Variants in ZNF609 observed in about 807,000 individuals in gnomAD.
The protein encoded by ZNF609 is zinc finger protein 609.
Under a neutral mutation model 109.5 loss-of-function variants are expected in ZNF609, and 11 were observed. The observed-to-expected ratio is 0.10, with a 90% CI of 0.06 to 0.17. ZNF609 has a LOEUF of 0.17. ZNF609 is among the 10% of genes least tolerant of loss of function. ZNF609 has a pLI of 1.00. For missense variants in ZNF609, 1,559 were observed against 1,772.4 expected (o/e 0.88, Z 2.16); for synonymous variants, 646 against 662.0 (o/e 0.98, Z 0.37).
At chr15:64,494,523 C>CAT (rs1317969524) in intron 1 of ZNF609, among the ~76,000 whole-genome samples, 5 of 151,896 alleles carry the variant, frequency 3.3e-5, no homozygotes, top group South Asian at 2.1e-4. Flanking sequence ...ACATCATATA[C>CAT]ATATATATAT....
chr15:64,563,818 T>C (rs1894729004), intron 2 of ZNF609, among the ~76,000 whole-genome samples: 1 of 151,820 alleles, frequency 6.6e-6, no homozygotes, highest in African/African-American at 2.4e-5. Flanking sequence ...AAAACCCATA[T>C]ATATATAATA....
intron 1 of ZNF609, among the ~76,000 whole-genome samples, chr15:64,466,928 T>A (rs1385453644): frequency 1.3e-5 from 2 of 152,034 alleles, no homozygotes; most frequent in African/African-American, 4.8e-5. Flanking sequence ...CTCTCACCCC[T>A]TTCTTTCTTC....
At chr15:64,623,566 T>C (rs142910613) in intron 3 of ZNF609, among the ~76,000 whole-genome samples, 3 of 152,328 alleles carry the variant, frequency 2.0e-5, no homozygotes, top group African/African-American at 7.2e-5. Flanking sequence ...CACCGCTTCA[T>C]GTATCTGTCA....
At chr15:64,473,732 A>G (rs896696138) in intron 1 of ZNF609, among the ~76,000 whole-genome samples, 1 of 151,934 alleles carries the variant, frequency 6.6e-6, no homozygotes, top group African/African-American at 2.4e-5. Context: ...CAGCCTCCCA[A>G]AGAGCTGCGA....
At position 64,577,279 on chromosome 15, in the gene ZNF609, G is replaced by GTA. The variant is rs1417638281; in HGVS notation, c.748-45539_748-45538dup. Among the ~76,000 whole-genome samples the GTA allele has an allele frequency of 2.3e-4, 7 of 30,248 alleles. 2 individuals carry two copies. The highest frequency in any genetic ancestry group is 3.6e-4 in the African/African-American group (5 of 13,962). The allele number at this position is 30,248 out of a possible 152,430, so 19.8% of individuals were successfully genotyped here. ...TATACACACAAATATATACATATAT[G>GTA]TATATATATACACACAAATATATAC... On this transcript the variant is annotated intron_variant, in intron 2 of 9. Coordinates refer to ENST00000326648, the MANE Select transcript of ZNF609 (RefSeq NM_015042.2).
rs559809976 is a variant in ZNF609, at chr15:64,567,883, G to T, written c.748-54944G>T. On this transcript the variant is annotated intron_variant, in intron 2 of 9. Coordinates refer to ENST00000326648, the MANE Select transcript of ZNF609 (RefSeq NM_015042.2). ...TCAGCGTATTAGCCAGGATGGTCTC[G>T]ATCTCCTGACATCGTGATCTGCCCA... Among the ~76,000 whole-genome samples, 6 of 151,966 alleles carry T rather than the reference G, an allele frequency of 3.9e-5. No homozygotes were observed. In the South Asian group the frequency reaches 6.2e-4, roughly 16 times the overall value.
At chr15:64,606,046 C>T (rs1181277566) in intron 2 of ZNF609, among the ~76,000 whole-genome samples, 5 of 150,460 alleles carry the variant, frequency 3.3e-5, no homozygotes, top group African/African-American at 1.2e-4. Flanking sequence ...TGAGCCACCG[C>T]GCCTGGCCTT....
At chr15:64,555,405 C>A (rs1894563201) in intron 2 of ZNF609, among the ~76,000 whole-genome samples, 1 of 152,130 alleles carries the variant, frequency 6.6e-6, no homozygotes, top group Admixed American at 6.5e-5. Flanking sequence ...TGGCGCACGC[C>A]TGTAATCCCA....
At chr15:64,676,420 T>C (rs1233667126) in intron 5 of ZNF609, among the ~76,000 whole-genome samples, 164 bp downstream of exon 5, 2 of 151,640 alleles carry the variant, frequency 1.3e-5, no homozygotes, top group Non-Finnish European at 2.9e-5. Flanking sequence ...TAATGTTTTT[T>C]ATTTTATTTT....
intron 2 of ZNF609, among the ~76,000 whole-genome samples, chr15:64,553,283 A>G (rs1279512402): frequency 1.3e-5 from 2 of 149,998 alleles, no homozygotes; most frequent in African/African-American, 4.9e-5. Context: ...AAAAAAAAAA[A>G]AGCCTACTGG....
At chr15:64,536,800 C>A (rs958936234) in intron 2 of ZNF609, among the ~76,000 whole-genome samples, 1 of 149,728 alleles carries the variant, frequency 6.7e-6, no homozygotes, top group Admixed American at 6.7e-5. Context: ...GTGCCAGCTA[C>A]TCTGGGGGCT....
intron 1 of ZNF609, among the ~76,000 whole-genome samples, chr15:64,475,097 CTTTTTTTTTTT>C (rs56289189): frequency 1.1e-5 from 1 of 93,064 alleles, no homozygotes; most frequent in Non-Finnish European, 2.1e-5. Flanking sequence ...CCAGTTTATC[CTTTTTTTTTTT>C]TTTTTTTTTT....
At chr15:64,516,576 C>T (rs931990693) in intron 2 of ZNF609, among the ~76,000 whole-genome samples, 2 of 152,178 alleles carry the variant, frequency 1.3e-5, no homozygotes, top group Non-Finnish European at 2.9e-5. Flanking sequence ...TGGGGTTTCA[C>T]CATGTCGCCC....
chr15:64,512,452 C>A lies in ZNF609; in HGVS notation c.747+12286C>A, dbSNP rs534101977. Among the ~76,000 whole-genome samples, 12 of 152,132 alleles carry A rather than the reference C, an allele frequency of 7.9e-5. No individual in the cohort carries two copies. In the South Asian group the frequency reaches 2.3e-3, roughly 29 times the overall value. ...TTCTCATTGGTTTGTGAATGTATTT[C>A]TGTGCTTATATTGGATAATAGGTGT... On this transcript the variant is annotated intron_variant, in intron 2 of 9. Transcript: ENST00000326648.
At chr15:64,659,420 C>A (rs1023299622) in intron 3 of ZNF609, among the ~76,000 whole-genome samples, 4 of 152,032 alleles carry the variant, frequency 2.6e-5, no homozygotes, top group African/African-American at 7.2e-5. Flanking sequence ...GATAGAGCTA[C>A]GTTAATATTT....
At chr15:64,616,837 T>TTTTTC (rs1895806740) in intron 2 of ZNF609, among the ~76,000 whole-genome samples, 1 of 127,812 alleles carries the variant, frequency 7.8e-6, no homozygotes, top group African/African-American at 3.1e-5. Context: ...TTTTTTTTTT[T>TTTTTC]GCACTCTGTC....
chr15:64,607,895 CTTT>C (rs71133457), intron 2 of ZNF609, among the ~76,000 whole-genome samples: 1 of 12,258 alleles, frequency 8.2e-5, no homozygotes, highest in Non-Finnish European at 2.3e-4. Context: ...TCTTTTCTTT[CTTT>C]TTTTTTTTTT....
intron 1 of ZNF609, among the ~76,000 whole-genome samples, chr15:64,484,838 G>A (rs1228030380): frequency 1.3e-5 from 2 of 151,858 alleles, no homozygotes; most frequent in African/African-American, 4.8e-5. Flanking sequence ...GCTGGGCATG[G>A]TGGCGCTTGC....
rs1026346050 is a variant in ZNF609 at position 64,684,625 on chromosome 15, G to C, written c.*2939G>C. Reference sequence around the variant, plus strand: ...AACCACACGCTTAGAAGGGTAAGAGGGCACCCTATGAAATGAAATGGTGAT... The same window carrying C: ...AACCACACGCTTAGAAGGGTAAGAGCGCACCCTATGAAATGAAATGGTGAT... On this transcript the variant is annotated 3_prime_UTR_variant, in exon 10 of 10. Coordinates refer to ENST00000326648, the MANE Select transcript of ZNF609 (RefSeq NM_015042.2). 1 of 152,620 alleles carries C rather than the reference G, an allele frequency of 6.6e-6. No homozygotes were observed. The highest frequency in any genetic ancestry group is 2.4e-5 in the African/African-American group (1 of 41,436). 9.5% of individuals were successfully genotyped at this position (152,620 alleles called of 1,614,324 possible).
Sources: gnomAD v4.1 joint callset for allele counts (sites outside exome capture counted in the v4.1 genomes callset) on GRCh38, gnomAD v4.1.1 for gene constraint, MANE v1.5 for transcripts, NCBI Gene and HGNC (gene_info 2026-07-23, HGNC 2026-07-21) for gene names.